Variants in CRAT observed in about 807,000 individuals in gnomAD.
CRAT encodes the protein carnitine O-acetyltransferase, also known as carnitine acetylase.
A neutral mutation model predicts 73.7 loss-of-function variants in CRAT; 66 were observed. That is an observed-to-expected ratio of 0.90 (90% CI 0.73 to 1.10). CRAT has a LOEUF of 1.10. Ranked by LOEUF, CRAT falls within the 50% of genes least tolerant of loss-of-function variation. The pLI, the probability that CRAT is intolerant of heterozygous loss-of-function variation, is 0.00. For missense variants in CRAT, 745 were observed against 846.9 expected (o/e 0.88, Z 1.49); for synonymous variants, 321 against 343.2 (o/e 0.94, Z 0.71).
intron 11 of CRAT, 71 bp downstream of exon 11, chr9:129,097,942 G>C: frequency 3.2e-6 from 5 of 1,572,200 alleles, no homozygotes; most frequent in Non-Finnish European, 4.3e-6. Context: ...CTCAATTATT[G>C]TGTGTTGACT....
intron 8 of CRAT, among the ~76,000 whole-genome samples, chr9:129,099,237 G>T (rs529788005): frequency 6.6e-5 from 10 of 151,186 alleles, no homozygotes; most frequent in Admixed American, 6.6e-4. Context: ...CTGCCTCCCG[G>T]GTTCAAGCGA....
intron 1 of CRAT, chr9:129,108,912 A>G: frequency 7.8e-7 from 1 of 1,281,900 alleles, no homozygotes; most frequent in Non-Finnish European, 1.0e-6. Context: ...GGCTGGAAAG[A>G]GAAGACAAGA....
chr9:129,099,972 G>A lies in CRAT; in HGVS notation c.985-6C>T. The A allele has an allele frequency of 1.2e-6, 2 of 1,612,630 alleles. No homozygotes were observed. Among genetic ancestry groups the A allele is most frequent in the Non-Finnish European group, 1.7e-6 (2 of 1,179,492 alleles). On this transcript the variant is annotated splice_polypyrimidine_tract_variant and splice_region_variant and intron_variant, in intron 7 of 13. Coordinates refer to ENST00000318080, the MANE Select transcript of CRAT (RefSeq NM_000755.5). ...CCATCTTCTGCCACGATGAACTGTG[G>A]AAGGGAAGGGAGACCCCGGTCAGCC...
At chr9:129,104,354 G>T in intron 2 of CRAT, 48 bp from the exon 3 acceptor site, 1 of 1,470,306 alleles carries the variant, frequency 6.8e-7, no homozygotes, top group Non-Finnish European at 9.5e-7. Flanking sequence ...GGGCCCTGGT[G>T]CCCCCTGTTC....
chr9:129,110,426 C>A lies in CRAT; in HGVS notation c.27+57G>T, dbSNP rs985799158. On this transcript the variant is annotated intron_variant, in intron 1 of 13. Transcript: ENST00000318080. The surrounding 1 kb of genome is among the most constrained non-coding windows in gnomAD (Gnocchi z 5.3). ...ACGCGGTCTCCGTTCCCGGACGCAACCGCACGGCCCGCCCAGGCCGTCCAG... is the reference window on the plus strand; with the variant it reads ...ACGCGGTCTCCGTTCCCGGACGCAAACGCACGGCCCGCCCAGGCCGTCCAG... 32 of 1,506,012 alleles carry A rather than the reference C, an allele frequency of 2.1e-5. No homozygotes were observed. The highest frequency in any genetic ancestry group is 2.6e-5 in the Non-Finnish European group (30 of 1,134,030). The allele number at this position is 1,506,012 out of a possible 1,614,324, so 93.3% of individuals were successfully genotyped here.
At chr9:129,102,297 G>A in intron 5 of CRAT, 103 bp downstream of exon 5, 2 of 1,496,490 alleles carry the variant, frequency 1.3e-6, no homozygotes, top group Non-Finnish European at 1.8e-6. Flanking sequence ...GGGGCACGTG[G>A]GCACGTGTGC....
In CRAT at chr9:129,102,579, G is replaced by A. The variant is rs369286705; in HGVS notation, c.465-14C>T. The A allele has an allele frequency of 9.9e-6, 16 of 1,613,280 alleles. No homozygotes were observed. Among genetic ancestry groups the A allele is most frequent in the African/African-American group, 4.0e-5 (3 of 74,878 alleles). ...GGCAGGGTCTCGCTATGGGGTAGAG[G>A]GGCAGTGAGGCCACCACTGGGCAAG... On this transcript the variant is annotated splice_polypyrimidine_tract_variant and intron_variant, in intron 4 of 13. Coordinates refer to ENST00000318080, the MANE Select transcript of CRAT (RefSeq NM_000755.5).
chr9:129,110,589 G>C lies in CRAT; in HGVS notation c.-80C>G. The C allele has an allele frequency of 6.9e-7, 1 of 1,458,136 alleles. No homozygotes were observed. The highest frequency in any genetic ancestry group is 1.5e-5 in the African/African-American group (1 of 67,926). 90.3% of individuals were successfully genotyped at this position (1,458,136 alleles called of 1,614,324 possible). A position where few individuals can be genotyped will look rare whatever the true frequency, so the allele number is the denominator to read the frequency against. On this transcript the variant is annotated 5_prime_UTR_variant, in exon 1 of 14. Coordinates refer to ENST00000318080, the MANE Select transcript of CRAT (RefSeq NM_000755.5). This position sits in a 1 kb window ranked among gnomAD's most constrained non-coding sequence, Gnocchi z 5.3. The stretch of plus-strand genomic sequence containing the variant: ...GTCCGCGCCGCCGCCGCCGCGGCTG[G>C]GGTCGGTGGGTCCTTGCTAGAGCCT...
In CRAT at chr9:129,106,718, C is replaced by T. The variant is rs1427759123; in HGVS notation, c.291+1096G>A. Among the ~76,000 whole-genome samples, 1 of 152,192 alleles carries T rather than the reference C, an allele frequency of 6.6e-6. No individual in the cohort carries two copies. The highest frequency in any genetic ancestry group is 2.1e-4 in the South Asian group (1 of 4,828). Reference sequence around the variant, plus strand: ...CTCCTGTGTGCAGCCCCACAGCCTCCGCCAAGCCCCAGGGCTAGAGCTCTA... The same window carrying T: ...CTCCTGTGTGCAGCCCCACAGCCTCTGCCAAGCCCCAGGGCTAGAGCTCTA... On this transcript the variant is annotated intron_variant, in intron 2 of 13. Coordinates refer to ENST00000318080, the MANE Select transcript of CRAT (RefSeq NM_000755.5). This position sits in a 1 kb window ranked among gnomAD's most constrained non-coding sequence, Gnocchi z 4.0.
chr9:129,103,362 CAG>C lies in CRAT; in HGVS notation c.411-298_411-297del, dbSNP rs1390452233. Among the ~76,000 whole-genome samples the C allele has an allele frequency of 1.6e-4, 25 of 152,164 alleles. No individual in the cohort carries two copies. The highest frequency in any genetic ancestry group is 3.2e-4 in the Non-Finnish European group (22 of 67,998). Reference sequence around the variant, plus strand: ...GCTGGAGTGTGGCTTGGTTAGGGGTCAGTGGGCTGGGTCTACCCACAAAGGGC... The same window carrying C: ...GCTGGAGTGTGGCTTGGTTAGGGGTCTGGGCTGGGTCTACCCACAAAGGGC... On this transcript the variant is annotated intron_variant, in intron 3 of 13. Coordinates refer to ENST00000318080, the MANE Select transcript of CRAT (RefSeq NM_000755.5). The surrounding 1 kb of genome is among the most constrained non-coding windows in gnomAD (Gnocchi z 4.6).
In CRAT at chr9:129,097,977, G is replaced by C. The variant is rs199583618; in HGVS notation, c.1464+36C>G. ...TGAGTGAGCAGGAGGGAGGGGCTCA[G>C]GCCCAGCTCACCCACCCTCGCCCCA... is the stretch of plus-strand genomic sequence containing the variant. On this transcript the variant is annotated intron_variant, in intron 11 of 13. Coordinates refer to ENST00000318080, the MANE Select transcript of CRAT (RefSeq NM_000755.5). 2.5e-6 allele frequency: 4 copies of C among 1,604,962 alleles called. No homozygotes were observed. The Admixed American group carries it at 6.7e-5, about 27-fold the overall frequency.
chr9:129,100,506 C>G lies in CRAT; in HGVS notation c.984+5G>C, dbSNP rs1280399752. 1 of 1,611,382 alleles carries G rather than the reference C, an allele frequency of 6.2e-7. No individual in the cohort carries two copies. Among genetic ancestry groups the G allele is most frequent in the Non-Finnish European group, 8.5e-7 (1 of 1,178,828 alleles). On this transcript the variant is annotated splice_donor_5th_base_variant and intron_variant, in intron 7 of 13. Transcript: ENST00000318080. Reference sequence around the variant, plus strand: ...GTGAGTGGGCGAAGCCCTGCCGGGCCTCACCTGCAGCGTCTTGTCGAACCA... The same window carrying G: ...GTGAGTGGGCGAAGCCCTGCCGGGCGTCACCTGCAGCGTCTTGTCGAACCA...
rs1408705551 is a variant in CRAT, at chr9:129,106,380, G to A, written c.291+1434C>T. Among the ~76,000 whole-genome samples, 2 of 152,138 alleles carry A rather than the reference G, an allele frequency of 1.3e-5. No individual in the cohort carries two copies. The highest frequency in any genetic ancestry group is 2.4e-5 in the African/African-American group (1 of 41,442). On this transcript the variant is annotated intron_variant, in intron 2 of 13. Transcript: ENST00000318080. The surrounding 1 kb of genome is among the most constrained non-coding windows in gnomAD (Gnocchi z 4.0). ...CCTTCCCTTGGGGAAACAGCCAGGGGCCTGTACTCCACTAGGGATCCCAGA... is the reference window on the plus strand; with the variant it reads ...CCTTCCCTTGGGGAAACAGCCAGGGACCTGTACTCCACTAGGGATCCCAGA...
chr9:129,110,610 A>G lies in CRAT; in HGVS notation c.-101T>C. ...GCTGGGGTCGGTGGGTCCTTGCTAG[A>G]GCCTTCGGGCCAAGGTCGCTGAGTT... On this transcript the variant is annotated 5_prime_UTR_variant, in exon 1 of 14. Transcript: ENST00000318080. The surrounding 1 kb of genome is among the most constrained non-coding windows in gnomAD (Gnocchi z 5.3). The G allele has an allele frequency of 7.5e-7, 1 of 1,337,968 alleles. No individual in the cohort carries two copies. Among genetic ancestry groups the G allele is most frequent in the East Asian group, 3.0e-5 (1 of 33,832 alleles). The allele number at this position is 1,337,968 out of a possible 1,614,324, so 82.9% of individuals were successfully genotyped here.
chr9:129,104,955 C>T (rs1380774866), intron 2 of CRAT, among the ~76,000 whole-genome samples: 1 of 137,704 alleles, frequency 7.3e-6, no homozygotes, highest in African/African-American at 2.7e-5. Context: ...CGCTGGAGTG[C>T]AGTGGCATGA....
Position 129,098,578 on chromosome 9 carries a change from G to T in CRAT, c.1158C>A (p.Thr386=), listed in dbSNP as rs1332813434. 1 of 1,599,822 alleles carries T rather than the reference G, an allele frequency of 6.3e-7. No individual in the cohort carries two copies. The highest frequency in any genetic ancestry group is 8.5e-7 in the Non-Finnish European group (1 of 1,176,466). ...TCTCGATGTCGCTCTTGATCTCGGG[G>T]GTGATGTTGAACCGCAGCTTCTTGG... ...PMPKKLRFNI[T]PEIKSDIEKA... Residue 386 remains threonine (T), a synonymous_variant, in exon 9 of 14, where the codon ACC becomes ACA. Transcript: ENST00000318080.
At position 129,110,083 on chromosome 9, in the gene CRAT, C is replaced by G. The variant is rs1406139168; in HGVS notation, c.27+400G>C. Among the ~76,000 whole-genome samples the G allele has an allele frequency of 6.6e-6, 1 of 152,180 alleles. No individual in the cohort carries two copies. The highest frequency in any genetic ancestry group is 1.5e-5 in the Non-Finnish European group (1 of 68,040). ...TGATAAACCAAAGGAGTGTGACCAA[C>G]TGGACAGGGTCGGAGGAGTGGCTCT... On this transcript the variant is annotated intron_variant, in intron 1 of 13. Transcript: ENST00000318080. This position sits in a 1 kb window ranked among gnomAD's most constrained non-coding sequence, Gnocchi z 5.3.
chr9:129,102,571 G>A lies in CRAT; in HGVS notation c.465-6C>T. 6.2e-7 allele frequency: 1 copy of A among 1,613,752 alleles called. No homozygotes were observed. The highest frequency in any genetic ancestry group is 8.5e-7 in the Non-Finnish European group (1 of 1,179,766). On this transcript the variant is annotated splice_polypyrimidine_tract_variant and splice_region_variant and intron_variant, in intron 4 of 13. Coordinates refer to ENST00000318080, the MANE Select transcript of CRAT (RefSeq NM_000755.5). ...ACTCCACGGGCAGGGTCTCGCTATG[G>A]GGTAGAGGGGCAGTGAGGCCACCAC... is the stretch of plus-strand genomic sequence containing the variant.
rs149498107 is a variant in CRAT, at chr9:129,098,013, C to T, written c.1464G>A (p.Thr488=). 2.5e-4 allele frequency: 401 copies of T among 1,613,222 alleles called. 1 individual carries two copies. In the Admixed American group the frequency reaches 2.6e-3, roughly 10 times the overall value. The change falls in exon 11 of 14, where the codon ACG becomes ACA. Residue 488 remains threonine (T), a splice_region_variant and synonymous_variant. Transcript: ENST00000318080. Reference sequence around the variant, plus strand: ...CCCACCCTCGCCCCAGACCTCTCACCGTGACGCTGGAGTCATCCATGGCCT... The same window carrying T: ...CCCACCCTCGCCCCAGACCTCTCACTGTGACGCTGGAGTCATCCATGGCCT... ...FVKAMDDSSV[T]EHQKVELLRK...
Sources: allele counts gnomAD v4.1 joint callset (sites outside exome capture counted in the v4.1 genomes callset), GRCh38; gene constraint gnomAD v4.1.1; non-coding constraint Gnocchi (gnomAD v3.1); transcripts MANE v1.5; gene names NCBI Gene and HGNC (gene_info 2026-07-23, HGNC 2026-07-21).